DLGAP2: variants seen among roughly 807,000 people sequenced by gnomAD.
DLGAP2 encodes DLG associated protein 2.
DLGAP2 carries 26 observed loss-of-function variants against 100.3 expected under a neutral mutation model. The ratio of observed to expected loss-of-function variants is 0.26; its 90% confidence interval spans 0.19 to 0.36. The LOEUF (loss-of-function observed/expected upper bound fraction) is 0.36. DLGAP2 is among the 10% of genes least tolerant of loss of function. The pLI, the probability that DLGAP2 is intolerant of heterozygous loss-of-function variation, is 1.00. For synonymous variants in DLGAP2, 886 were observed against 630.1 expected (o/e 1.41, Z -6.08); for missense variants, 1,858 against 1,453.2 (o/e 1.28, Z -4.53).
At chr8:1,359,405 G>A (rs1236525413) in intron 3 of DLGAP2, among the ~76,000 whole-genome samples, 1 of 152,254 alleles carries the variant, frequency 6.6e-6, no homozygotes, top group Non-Finnish European at 1.5e-5. Flanking sequence ...GAGGAGGACA[G>A]TTTTCTTTTT....
chr8:937,958 G>T (rs113074253), intron 2 of DLGAP2, among the ~76,000 whole-genome samples: 1 of 152,264 alleles, frequency 6.6e-6, no homozygotes, highest in Non-Finnish European at 1.5e-5. Flanking sequence ...CTGATCCAAG[G>T]TGGAGCTGAG....
At chr8:1,211,488 A>G in intron 2 of DLGAP2, among the ~76,000 whole-genome samples, 1 of 152,250 alleles carries the variant, frequency 6.6e-6, no homozygotes. Flanking sequence ...CAACAATGAT[A>G]TAAAGTACTC....
intron 1 of DLGAP2, among the ~76,000 whole-genome samples, chr8:857,072 T>C (rs1797293067): frequency 6.6e-6 from 1 of 152,086 alleles, no homozygotes; most frequent in Admixed American, 6.5e-5. Flanking sequence ...CCCACGTAAA[T>C]ACAGCCAGCT....
intron 3 of DLGAP2, among the ~76,000 whole-genome samples, chr8:1,430,024 A>ATG (rs1797377063): frequency 1.0e-5 from 1 of 97,004 alleles, no homozygotes. Flanking sequence ...ATATATATAT[A>ATG]TATACACACA....
chr8:1,565,266 T>G (rs1008254546), intron 5 of DLGAP2, among the ~76,000 whole-genome samples: 1 of 151,936 alleles, frequency 6.6e-6, no homozygotes, highest in Non-Finnish European at 1.5e-5. Context: ...AATTAAGATA[T>G]AAGTATACAA....
At chr8:1,111,884 T>C (rs930874111) in intron 2 of DLGAP2, among the ~76,000 whole-genome samples, 12 of 152,328 alleles carry the variant, frequency 7.9e-5, no homozygotes, top group South Asian at 4.1e-4. Context: ...CATGTGTCTT[T>C]ATGGTAGAAT....
intron 3 of DLGAP2, among the ~76,000 whole-genome samples, chr8:1,455,513 G>C (rs997330675): frequency 3.3e-5 from 5 of 152,240 alleles, no homozygotes; most frequent in Non-Finnish European, 7.3e-5. Flanking sequence ...CGCCTGAGCA[G>C]GGCTGAGAGG....
intron 2 of DLGAP2, among the ~76,000 whole-genome samples, chr8:1,177,915 G>A (rs563619531): frequency 2.0e-5 from 3 of 152,188 alleles, no homozygotes; most frequent in Non-Finnish European, 4.4e-5. Flanking sequence ...GATGCATTCC[G>A]GCCAGCAAAG....
chr8:1,110,240 A>T (rs1337550463), intron 2 of DLGAP2, among the ~76,000 whole-genome samples: 1 of 57,274 alleles, frequency 1.7e-5, no homozygotes, highest in South Asian at 6.7e-4. Flanking sequence ...CGTGTGCTGG[A>T]TCTGTGAGGT....
At chr8:1,278,061 C>T (rs1799740388) in intron 3 of DLGAP2, among the ~76,000 whole-genome samples, 1 of 152,158 alleles carries the variant, frequency 6.6e-6, no homozygotes, top group East Asian at 1.9e-4. Context: ...GCAATTTCAA[C>T]ATTCAGGAGA....
intron 6 of DLGAP2, among the ~76,000 whole-genome samples, chr8:1,610,651 TAAAG>T (rs1796965601): frequency 8.2e-6 from 1 of 121,704 alleles, no homozygotes; most frequent in Non-Finnish European, 1.7e-5. Flanking sequence ...GCAAGACTAA[TAAAG>T]AAAAAAAGAG....
intron 2 of DLGAP2, among the ~76,000 whole-genome samples, chr8:970,047 G>A (rs528602598): frequency 3.2e-4 from 48 of 152,278 alleles, no homozygotes; most frequent in African/African-American, 1.1e-3. Flanking sequence ...ATTGACAAAT[G>A]AGTGAAATTC....
chr8:853,579 A>C (rs1427618610), intron 1 of DLGAP2, among the ~76,000 whole-genome samples: 1 of 152,050 alleles, frequency 6.6e-6, no homozygotes, highest in Non-Finnish European at 1.5e-5. Flanking sequence ...TCAGTTAGGG[A>C]ATGGTGGGAC....
intron 1 of DLGAP2, among the ~76,000 whole-genome samples, chr8:896,684 G>C (rs2128996602): frequency 6.6e-6 from 1 of 152,182 alleles, no homozygotes; most frequent in South Asian, 2.1e-4. Flanking sequence ...CTATGGGAGG[G>C]CATGGCAGGA....
intron 3 of DLGAP2, among the ~76,000 whole-genome samples, chr8:1,453,406 C>G (rs1199297744): frequency 6.6e-6 from 1 of 152,166 alleles, no homozygotes; most frequent in Admixed American, 6.5e-5. Flanking sequence ...ATGAAATTTA[C>G]CTTCTTAAGT....
intron 3 of DLGAP2, among the ~76,000 whole-genome samples, chr8:1,414,558 G>T (rs970107524): frequency 6.6e-6 from 1 of 152,226 alleles, no homozygotes. Context: ...GGGTCCCAGT[G>T]CAGAGTCCAC....
At chr8:964,973 G>A (rs977030343) in intron 2 of DLGAP2, among the ~76,000 whole-genome samples, 2 of 151,904 alleles carry the variant, frequency 1.3e-5, no homozygotes, top group South Asian at 2.1e-4. Context: ...CCCAACCCCC[G>A]CGTGCACACG....
chr8:1,365,616 C>G (rs1802091498), intron 3 of DLGAP2, among the ~76,000 whole-genome samples: 1 of 152,220 alleles, frequency 6.6e-6, no homozygotes, highest in African/African-American at 2.4e-5. Flanking sequence ...TGTCCTCTAG[C>G]TATTAATGGC....
At chr8:1,460,220 C>T (rs531957852) in intron 3 of DLGAP2, among the ~76,000 whole-genome samples, 10 of 152,222 alleles carry the variant, frequency 6.6e-5, no homozygotes, top group Admixed American at 2.0e-4. Flanking sequence ...TAATCCTCCA[C>T]TGAAGACCAC....
Sources: allele counts gnomAD v4.1 joint callset (sites outside exome capture counted in the v4.1 genomes callset), GRCh38; gene constraint gnomAD v4.1.1; transcripts MANE v1.5; gene names NCBI Gene and HGNC (gene_info 2026-07-23, HGNC 2026-07-21).